Variants in MCUB observed in about 807,000 individuals in gnomAD.
MCUB encodes the protein calcium uniporter regulatory subunit MCUb, mitochondrial.
In MCUB, 46 loss-of-function variants were observed where a neutral mutation model predicts 41.4. The ratio of observed to expected loss-of-function variants is 1.11; its 90% confidence interval spans 0.88 to 1.42. The LOEUF (loss-of-function observed/expected upper bound fraction) is 1.42, where lower values mean the gene tolerates loss of function less well. MCUB is among the 40% of genes most tolerant of loss of function. The pLI is 0.00. For synonymous variants in MCUB, 148 were observed against 148.2 expected (o/e 1.00, Z 0.01); for missense variants, 403 against 404.9 (o/e 1.00, Z 0.04).
chr4:109,606,357 T>C (rs1407039964), intron 1 of MCUB, among the ~76,000 whole-genome samples: 1 of 152,136 alleles, frequency 6.6e-6, no homozygotes, highest in Non-Finnish European at 1.5e-5. Context: ...TTCAATGTTA[T>C]TATTGATAAG....
intron 1 of MCUB, among the ~76,000 whole-genome samples, chr4:109,612,322 A>C (rs1465932423): frequency 1.4e-5 from 2 of 138,682 alleles, no homozygotes; most frequent in Non-Finnish European, 3.0e-5. Context: ...GCTGGAGTGC[A>C]GTGGTGTGAT....
chr4:109,613,019 T>C (rs754093557), intron 1 of MCUB, among the ~76,000 whole-genome samples: 8 of 151,882 alleles, frequency 5.3e-5, no homozygotes, highest in Non-Finnish European at 1.2e-4. Flanking sequence ...AGCAGGAGAA[T>C]GGTGTGAACC....
At chr4:109,666,068 A>G (rs796506208) in intron 4 of MCUB, among the ~76,000 whole-genome samples, 41 of 152,146 alleles carry the variant, frequency 2.7e-4, no homozygotes, top group African/African-American at 9.6e-4. Context: ...GTGAAGAGGA[A>G]GGCCAGCTTG....
At chr4:109,576,330 C>G (rs1480638168) in intron 1 of MCUB, among the ~76,000 whole-genome samples, 1 of 152,124 alleles carries the variant, frequency 6.6e-6, no homozygotes, top group Non-Finnish European at 1.5e-5. Context: ...GTATTTGTTT[C>G]TTTCATCCAA....
chr4:109,617,550 A>G (rs1324218438), intron 1 of MCUB, among the ~76,000 whole-genome samples: 2 of 152,230 alleles, frequency 1.3e-5, no homozygotes, highest in Admixed American at 6.5e-5. Context: ...GAAGACCACA[A>G]TTGCAATAAC....
chr4:109,650,251 A>G (rs1050462385), intron 1 of MCUB, among the ~76,000 whole-genome samples: 1 of 152,190 alleles, frequency 6.6e-6, no homozygotes, highest in Non-Finnish European at 1.5e-5. Context: ...TTCTCTTTTA[A>G]GCTTTACTAA....
chr4:109,651,213 T>C (rs1400478702), intron 1 of MCUB, among the ~76,000 whole-genome samples: 1 of 152,250 alleles, frequency 6.6e-6, no homozygotes, highest in Non-Finnish European at 1.5e-5. Flanking sequence ...GATTATAATT[T>C]GTTACTATCA....
chr4:109,606,919 G>T (rs1298187737), intron 1 of MCUB, among the ~76,000 whole-genome samples: 1 of 151,804 alleles, frequency 6.6e-6, no homozygotes, highest in Admixed American at 6.6e-5. Context: ...GCTAATTTTT[G>T]TATTTTTAGT....
chr4:109,656,246 G>GA (rs1161911503), intron 1 of MCUB, among the ~76,000 whole-genome samples: 2 of 149,188 alleles, frequency 1.3e-5, no homozygotes, highest in South Asian at 2.1e-4. Flanking sequence ...GTAACGTGTA[G>GA]AAAAAAATCT....
At chr4:109,675,909 C>A (rs967078565) in intron 4 of MCUB, among the ~76,000 whole-genome samples, 1 of 152,248 alleles carries the variant, frequency 6.6e-6, no homozygotes, top group African/African-American at 2.4e-5. Flanking sequence ...TGGTCTTGGA[C>A]TTCCCAGACT....
intron 1 of MCUB, among the ~76,000 whole-genome samples, chr4:109,575,256 T>G (rs1727000190): frequency 6.6e-6 from 1 of 152,204 alleles, no homozygotes; most frequent in South Asian, 2.1e-4. Flanking sequence ...CCATCTGCCT[T>G]CCCCACCAAG....
chr4:109,588,334 A>C (rs17040572), intron 1 of MCUB, among the ~76,000 whole-genome samples: 2,749 of 152,304 alleles, frequency 0.018, 61 homozygotes, highest in South Asian at 0.072. Flanking sequence ...TGGTGATGCA[A>C]ATTGTCAGGT....
intron 1 of MCUB, among the ~76,000 whole-genome samples, chr4:109,597,545 G>A (rs1297033220): frequency 4.2e-5 from 6 of 143,062 alleles, no homozygotes; most frequent in Admixed American, 6.8e-5. Flanking sequence ...GGGGCGGCTG[G>A]CCGGGCAGAG....
Position 109,687,909 on chromosome 4 carries a change from A to G in MCUB, c.*317A>G. 1 of 218,692 alleles carries G rather than the reference A, an allele frequency of 4.6e-6. No individual in the cohort carries two copies. The highest frequency in any genetic ancestry group is 1.3e-4 in the South Asian group (1 of 7,638). 13.5% of individuals were successfully genotyped at this position (218,692 alleles called of 1,614,324 possible). A position where few individuals can be genotyped will look rare whatever the true frequency, so the allele number is the denominator to read the frequency against. On this transcript the variant is annotated 3_prime_UTR_variant, in exon 8 of 8. Transcript: ENST00000394650. ...GTGCTTGGCATTCACTTCCATTCTT[A>G]GACTTAATTTGGAATCATCCTTTTA...
At chr4:109,573,596 T>G (rs1274442752) in intron 1 of MCUB, among the ~76,000 whole-genome samples, 1 of 152,148 alleles carries the variant, frequency 6.6e-6, no homozygotes, top group Non-Finnish European at 1.5e-5. Context: ...ATCTGGAAGT[T>G]TCCGTTGATC....
At chr4:109,663,066 C>T (rs1337087573) in intron 3 of MCUB, among the ~76,000 whole-genome samples, 1 of 152,194 alleles carries the variant, frequency 6.6e-6, no homozygotes, top group Non-Finnish European at 1.5e-5. Context: ...GGGAGGCAGA[C>T]AAGAGGCAGC....
intron 1 of MCUB, among the ~76,000 whole-genome samples, chr4:109,632,738 C>T (rs576591254): frequency 6.6e-6 from 1 of 151,828 alleles, no homozygotes; most frequent in East Asian, 1.9e-4. Flanking sequence ...CCTCAGCCTC[C>T]CAAGTAGCTG....
intron 1 of MCUB, among the ~76,000 whole-genome samples, chr4:109,624,842 A>G (rs546746363): frequency 6.6e-6 from 1 of 152,204 alleles, no homozygotes; most frequent in Non-Finnish European, 1.5e-5. Flanking sequence ...CAAACTGTAT[A>G]GTCCAAACCT....
chr4:109,652,800 T>G (rs771207995), intron 1 of MCUB, among the ~76,000 whole-genome samples: 3 of 152,182 alleles, frequency 2.0e-5, no homozygotes, highest in Non-Finnish European at 4.4e-5. Flanking sequence ...GAGCATAATA[T>G]TCTAGGTTGG....
Sources: allele counts gnomAD v4.1 joint callset (sites outside exome capture counted in the v4.1 genomes callset), GRCh38; gene constraint gnomAD v4.1.1; transcripts MANE v1.5; gene names NCBI Gene and HGNC (gene_info 2026-07-23, HGNC 2026-07-21).